Variants in ETFB observed in about 807,000 individuals in gnomAD.
ETFB encodes the protein electron transfer flavoprotein subunit beta.
Under a neutral mutation model 25.6 loss-of-function variants are expected in ETFB, and 20 were observed. That is an observed-to-expected ratio of 0.78 (90% CI 0.55 to 1.14). The LOEUF (loss-of-function observed/expected upper bound fraction) is 1.14, where lower values mean the gene tolerates loss of function less well. Among genes scored for constraint, ETFB ranks in the 50% most tolerant of loss-of-function variants. ETFB has a pLI of 0.00. For missense variants in ETFB, 286 were observed against 342.6 expected (o/e 0.83, Z 1.30); for synonymous variants, 142 against 146.7 (o/e 0.97, Z 0.23).
intron 1 of ETFB, chr19:51,356,911 T>C (rs1320371743): frequency 6.6e-6 from 1 of 152,118 alleles, no homozygotes; most frequent in South Asian, 2.1e-4. Context: ...CTCAGCTCTG[T>C]CTTCACGTGG....
In ETFB at chr19:51,357,486, C is replaced by CTTTTTTTTTTTTTTTT. The variant is rs199903123; in HGVS notation, c.58-3179_58-3178insAAAAAAAAAAAAAAAA. Among the ~76,000 whole-genome samples, 2 of 100,786 alleles carry CTTTTTTTTTTTTTTTT rather than the reference C, an allele frequency of 2.0e-5. 1 individual carries two copies. The highest frequency in any genetic ancestry group is 7.8e-5 in the African/African-American group (2 of 25,564). The allele number at this position is 100,786 out of a possible 152,430, so 66.1% of individuals were successfully genotyped here. On this transcript the variant is annotated intron_variant, in intron 1 of 5. Transcript: ENST00000309244. ...GCCCACCACAATCCTTTTTTTCTTT[C>CTTTTTTTTTTTTTTTT]TTTCTTTTTTTTTTTTTTTTTGAGA...
In ETFB at chr19:51,354,786, C is replaced by T. The variant is rs78611945; in HGVS notation, c.58-478G>A. 57,694 of 849,666 alleles carry T rather than the reference C, an allele frequency of 0.068. 2,309 individuals carry two copies. Among genetic ancestry groups the T allele is most frequent in the East Asian group, 0.17 (6,192 of 37,260 alleles). The allele number at this position is 849,666 out of a possible 1,614,324, so 52.6% of individuals were successfully genotyped here. A position where few individuals can be genotyped will look rare whatever the true frequency, so the allele number is the denominator to read the frequency against. On this transcript the variant is annotated intron_variant, in intron 1 of 5. Coordinates refer to ENST00000309244, the MANE Select transcript of ETFB (RefSeq NM_001985.3). ...CCTGAAAAATCACAGCTACAGGCAA[C>T]AATAGAGCAGCCTGGGGAAAACTCA... is the stretch of plus-strand genomic sequence containing the variant.
At chr19:51,364,548 C>T (rs1986306300) in intron 1 of ETFB, among the ~76,000 whole-genome samples, 1 of 152,172 alleles carries the variant, frequency 6.6e-6, no homozygotes, top group Non-Finnish European at 1.5e-5. Flanking sequence ...ATGGGGGAGA[C>T]GGATCCAATC....
Position 51,346,933 on chromosome 19 carries a change from G to T in ETFB, c.564C>A (p.Asn188Lys), listed in dbSNP as rs570126169. ...TGGGCAGCGTGGCGTAGCGGGGCTC[G>T]TTGAGCCTCAGGTCAGCTGTCACCA... ...PAVVTADLRL[N>K]EPRYATLPNI... Residue 188 changes from asparagine to lysine, a missense_variant, in exon 5 of 6, where the codon AAC becomes AAA. Transcript: ENST00000309244. The T allele has an allele frequency of 1.3e-6, 2 of 1,575,870 alleles. No individual in the cohort carries two copies. The highest frequency in any genetic ancestry group is 1.7e-6 in the Non-Finnish European group (2 of 1,160,718).
chr19:51,357,742 C>T lies in ETFB; in HGVS notation c.58-3434G>A, dbSNP rs114779202. Among the ~76,000 whole-genome samples the T allele has an allele frequency of 5.4e-3, 826 of 152,232 alleles. 9 individuals are homozygous for T. Among genetic ancestry groups the T allele is most frequent in the African/African-American group, 0.019 (777 of 41,552 alleles). On this transcript the variant is annotated intron_variant, in intron 1 of 5. Coordinates refer to ENST00000309244, the MANE Select transcript of ETFB (RefSeq NM_001985.3). ...CCGATCTCTGGTGATCCACCCACCT[C>T]GGCCTCTCAAAGGCAGGGGATTACA...
At chr19:51,352,582 C>A (rs560640067) in intron 3 of ETFB, among the ~76,000 whole-genome samples, 11 of 152,256 alleles carry the variant, frequency 7.2e-5, no homozygotes, top group African/African-American at 2.4e-4. Flanking sequence ...CCTCGGCCTC[C>A]CAGCCTCTAA....
Position 51,352,957 on chromosome 19 carries a change from C to T in ETFB, c.375+175G>A, listed in dbSNP as rs138326547. ...AGGATCTTTCTAACACCCAGAGGGA[C>T]TCTGTCCTCCCTGCTCAAACTCTCT... On this transcript the variant is annotated intron_variant, in intron 3 of 5. Transcript: ENST00000309244. 0.025 allele frequency among the ~76,000 whole-genome samples: 3,731 copies of T among 152,274 alleles called. 81 individuals carry two copies. Among genetic ancestry groups the T allele is most frequent in the Non-Finnish European group, 0.037 (2,508 of 68,012 alleles).
intron 1 of ETFB, among the ~76,000 whole-genome samples, chr19:51,363,800 A>G (rs185363380): frequency 1.4e-3 from 216 of 152,228 alleles, no homozygotes; most frequent in African/African-American, 5.1e-3. Flanking sequence ...GGCAGGACAA[A>G]GGACAGAAAG....
At chr19:51,361,298 T>C (rs1204577539) in intron 1 of ETFB, among the ~76,000 whole-genome samples, 1 of 152,154 alleles carries the variant, frequency 6.6e-6, no homozygotes, top group Non-Finnish European at 1.5e-5. Context: ...CAAGGACTTG[T>C]GTGGTTCTGT....
At chr19:51,349,086 T>G (rs1263341827) in intron 4 of ETFB, among the ~76,000 whole-genome samples, 1 of 152,216 alleles carries the variant, frequency 6.6e-6, no homozygotes, top group Non-Finnish European at 1.5e-5. Flanking sequence ...ATTTGATAAA[T>G]TACATGGGAT....
At chr19:51,351,890 C>T (rs902339729) in intron 3 of ETFB, among the ~76,000 whole-genome samples, 10 of 151,970 alleles carry the variant, frequency 6.6e-5, no homozygotes, top group Non-Finnish European at 1.5e-4. Context: ...CTCTGCTTGA[C>T]ATACCTTGCA....
rs190246923 is a variant in ETFB, at chr19:51,345,714, G to C, written c.598-333C>G. The C allele has an allele frequency of 2.9e-3, 1,225 of 416,440 alleles. 4 individuals carry two copies. Among genetic ancestry groups the C allele is most frequent in the Non-Finnish European group, 3.8e-3 (850 of 220,980 alleles). The allele number at this position is 416,440 out of a possible 1,614,324, so 25.8% of individuals were successfully genotyped here. On this transcript the variant is annotated intron_variant, in intron 5 of 5. Coordinates refer to ENST00000309244, the MANE Select transcript of ETFB (RefSeq NM_001985.3). ...TTTTGGTTGAGATGGCATGCTGAAG[G>C]CTCCCAATAGGCTGAGATGATGCAC...
intron 1 of ETFB, among the ~76,000 whole-genome samples, chr19:51,358,948 G>A (rs1341364454): frequency 2.0e-5 from 3 of 151,906 alleles, no homozygotes; most frequent in Non-Finnish European, 2.9e-5. Flanking sequence ...GCAGTGAGCC[G>A]TGATCATGCC....
At chr19:51,357,727 G>A (rs1986119128) in intron 1 of ETFB, among the ~76,000 whole-genome samples, 1 of 151,962 alleles carries the variant, frequency 6.6e-6, no homozygotes, top group Non-Finnish European at 1.5e-5. Context: ...CCGATCTCTG[G>A]TGATCCACCC....
Position 51,345,241 on chromosome 19 carries a change from C to T in ETFB, c.738G>A (p.Val246=). Reference sequence around the variant, plus strand: ...TCCGCCCAATCTCCTTCAGCTTGGCCACCAGGTCCTCAGTGGTCTCCACCT... The same window carrying T: ...TCCGCCCAATCTCCTTCAGCTTGGCTACCAGGTCCTCAGTGGTCTCCACCT... ...GVKVETTEDL[V]AKLKEIGRI The change falls in exon 6 of 6, where the codon GTG becomes GTA. Residue 246 remains valine, a synonymous_variant. Coordinates refer to ENST00000309244, the MANE Select transcript of ETFB (RefSeq NM_001985.3). 1 of 1,614,216 alleles carries T rather than the reference C, an allele frequency of 6.2e-7. No individual in the cohort carries two copies. The highest frequency in any genetic ancestry group is 8.5e-7 in the Non-Finnish European group (1 of 1,180,040).
Position 51,345,177 on chromosome 19 carries a change from G to C in ETFB, c.*34C>G. ...AAATAAGTTAACAGAGATAGATGTT[G>C]AGAGTCAGTTTTATTGCCATCTCTG... is the stretch of plus-strand genomic sequence containing the variant. On this transcript the variant is annotated 3_prime_UTR_variant, in exon 6 of 6. Coordinates refer to ENST00000309244, the MANE Select transcript of ETFB (RefSeq NM_001985.3). 1 of 1,605,574 alleles carries C rather than the reference G, an allele frequency of 6.2e-7. No homozygotes were observed. The highest frequency in any genetic ancestry group is 2.2e-5 in the East Asian group (1 of 44,844).
intron 1 of ETFB, among the ~76,000 whole-genome samples, chr19:51,360,943 G>A (rs542410224): frequency 6.6e-6 from 1 of 152,126 alleles, no homozygotes; most frequent in East Asian, 1.9e-4. Flanking sequence ...CTGCCACCAC[G>A]CCTGGCTAAT....
At chr19:51,350,485 TTTC>T in intron 3 of ETFB, 94 bp from the exon 4 acceptor site, 1 of 704,678 alleles carries the variant, frequency 1.4e-6, no homozygotes, top group Non-Finnish European at 2.6e-6. Context: ...AAACTTTTTC[TTTC>T]TTTTTTTTCT....
At chr19:51,347,145 G>C in intron 4 of ETFB, 87 bp from the exon 5 acceptor site, 1 of 1,333,092 alleles carries the variant, frequency 7.5e-7, no homozygotes, top group South Asian at 1.2e-5. Context: ...CTGAGTACAC[G>C]CATGGACTAG....
Sources: allele counts gnomAD v4.1 joint callset (sites outside exome capture counted in the v4.1 genomes callset), GRCh38; gene constraint gnomAD v4.1.1; transcripts MANE v1.5; gene names NCBI Gene and HGNC (gene_info 2026-07-23, HGNC 2026-07-21).